TFRC: variants seen among roughly 807,000 people sequenced by gnomAD.
TFRC encodes the protein transferrin receptor.
A neutral mutation model predicts 85.8 loss-of-function variants in TFRC; 35 were observed. The ratio of observed to expected loss-of-function variants is 0.41; its 90% CI spans 0.31 to 0.54. The LOEUF is 0.54. TFRC is among the 20% of genes least tolerant of loss of function. TFRC has a pLI of 0.31. For missense variants in TFRC, 828 were observed against 921.5 expected (o/e 0.90, Z 1.31); for synonymous variants, 362 against 328.6 (o/e 1.10, Z -1.10).
At chr3:196,081,878 G>T (rs1719216619) in intron 1 of TFRC, 165 bp downstream of exon 1, 1 of 152,360 alleles carries the variant, frequency 6.6e-6, no homozygotes, top group East Asian at 1.9e-4. Context: ...ACAGGCTCGC[G>T]GCCCCGCTCC....
At chr3:196,081,521 C>G (rs1165198130) in intron 1 of TFRC, among the ~76,000 whole-genome samples, 1 of 152,208 alleles carries the variant, frequency 6.6e-6, no homozygotes, top group Non-Finnish European at 1.5e-5. Context: ...GAATCCCAGC[C>G]GTTCCCTGGG....
At chr3:196,069,647 G>T in intron 6 of TFRC, 79 bp from the exon 7 acceptor site, 1 of 899,196 alleles carries the variant, frequency 1.1e-6, no homozygotes, top group Non-Finnish European at 1.7e-6. Flanking sequence ...GAGTGTTATA[G>T]ATCAAACCTA....
intron 6 of TFRC, among the ~76,000 whole-genome samples, chr3:196,070,281 T>C (rs1471677497): frequency 8.7e-5 from 12 of 138,152 alleles, no homozygotes; most frequent in Admixed American, 1.4e-4. Flanking sequence ...TTTTTTTTTT[T>C]GAGATGGAAT....
chr3:196,081,588 C>G (rs189955466), intron 1 of TFRC, among the ~76,000 whole-genome samples: 5 of 152,302 alleles, frequency 3.3e-5, no homozygotes, highest in Non-Finnish European at 7.4e-5. Flanking sequence ...GCAGCTGCAC[C>G]TTGGCTGCGC....
chr3:196,052,126 A>G lies in TFRC; in HGVS notation c.2099T>C (p.Val700Ala). 2 of 1,614,088 alleles carry G rather than the reference A, an allele frequency of 1.2e-6. No individual in the cohort carries two copies. Among genetic ancestry groups the G allele is most frequent in the Non-Finnish European group, 1.7e-6 (2 of 1,180,010 alleles). ...VSPKESPFRH[V>A]FWGSGSHTLP... is the part of the protein sequence containing the mutation. The stretch of plus-strand genomic sequence containing the variant: ...CGTGTGAGAGCCGGAGCCCCAGAAG[A>G]CATGTCGGAAAGGAGACTCTTTTGG... Residue 700 changes from valine (V) to alanine (A), a missense_variant, in exon 19 of 19, where the codon GTC becomes GCC. Transcript: ENST00000360110.
chr3:196,069,696 G>C (rs867393585), intron 6 of TFRC, 128 bp from the exon 7 acceptor site: 60 of 551,736 alleles, frequency 1.1e-4, no homozygotes, highest in African/African-American at 1.0e-3. Flanking sequence ...GGAGGCCAAG[G>C]CCTAAAAAAG....
intron 16 of TFRC, among the ~76,000 whole-genome samples, chr3:196,057,556 C>T (rs1287775861): frequency 1.3e-5 from 2 of 152,100 alleles, no homozygotes; most frequent in African/African-American, 4.8e-5. Flanking sequence ...CAGGCGTGAG[C>T]TACCACATCC....
At chr3:196,077,161 C>T in intron 1 of TFRC, 39 bp from the exon 2 acceptor site, 2 of 1,453,328 alleles carry the variant, frequency 1.4e-6, no homozygotes, top group Non-Finnish European at 1.9e-6. Flanking sequence ...AAAGATACTA[C>T]TGTATCAGAT....
chr3:196,071,661 C>T (rs1718218471), intron 5 of TFRC, among the ~76,000 whole-genome samples, 163 bp from the exon 6 acceptor site: 1 of 152,240 alleles, frequency 6.6e-6, no homozygotes, highest in Non-Finnish European at 1.5e-5. Context: ...CGGTGGCTCA[C>T]GCCTGTAATC....
chr3:196,063,774 G>T (rs140061117), intron 11 of TFRC, among the ~76,000 whole-genome samples: 1 of 148,634 alleles, frequency 6.7e-6, no homozygotes, highest in Admixed American at 6.7e-5. Flanking sequence ...AAAATTGGCC[G>T]GGTGTGGTTG....
chr3:196,077,284 A>G (rs187793201), intron 1 of TFRC, among the ~76,000 whole-genome samples, 162 bp from the exon 2 acceptor site: 2 of 152,280 alleles, frequency 1.3e-5, no homozygotes, highest in Admixed American at 6.5e-5. Flanking sequence ...ATTAAGTGGG[A>G]TCCTTTTTAA....
intron 13 of TFRC, among the ~76,000 whole-genome samples, chr3:196,062,044 G>C (rs183135049): frequency 6.8e-4 from 103 of 152,232 alleles, no homozygotes; most frequent in African/African-American, 1.9e-3. Flanking sequence ...TAGAATGCTT[G>C]AACTCAGGAG....
In TFRC at chr3:196,068,041, G is replaced by T. The variant is rs34490397; in HGVS notation, c.891C>A (p.Phe297Leu). The T allele has an allele frequency of 5.0e-5, 80 of 1,611,798 alleles. No homozygotes were observed. The African/African-American group carries it at 1.0e-3, about 20-fold the overall frequency. Residue 297 changes from phenylalanine (F) to leucine (L), a missense_variant, in exon 8 of 19, where the codon TTC (phenylalanine) becomes TTA (leucine). Transcript: ENST00000360110. Reference protein sequence around the residue: ...KFPIVNAELSFFGHAHLGTGD... With the variant: ...KFPIVNAELSLFGHAHLGTGD... ...TCAAGAAATAACTCACATGTCCAAA[G>T]AATGAAAGTTCTGCGTTAACAATGG...
In TFRC at chr3:196,058,379, G is replaced by T. The variant is rs748345493; in HGVS notation, c.1596-14C>A. 6.2e-7 allele frequency: 1 copy of T among 1,606,636 alleles called. No individual in the cohort carries two copies. The highest frequency in any genetic ancestry group is 1.1e-5 in the South Asian group (1 of 90,678). ...GTGAGTTTCTCACTGCAAAGACAAAGAATGTGTCTTTAGAAAGTGTTTTAA... is the reference window on the plus strand; with the variant it reads ...GTGAGTTTCTCACTGCAAAGACAAATAATGTGTCTTTAGAAAGTGTTTTAA... On this transcript the variant is annotated splice_polypyrimidine_tract_variant and intron_variant, in intron 15 of 18. Coordinates refer to ENST00000360110, the MANE Select transcript of TFRC (RefSeq NM_001128148.3).
chr3:196,075,266 T>G lies in TFRC; in HGVS notation c.131A>C (p.Glu44Ala), dbSNP rs1354197677. The part of the protein sequence containing the change: ...SHVEMKLAVD[E>A]EENADNNTKA... ...TGTGTTATTGTCAGCATTTTCTTCT[T>G]CATCTACAGCAAGTTTCATCTCCAC... Residue 44 changes from glutamate (E) to alanine (A), a missense_variant, in exon 3 of 19, where the codon GAA (glutamate) becomes GCA (alanine). By Grantham distance (107) the Glu-to-Ala change is moderately radical (BLOSUM62 -1). Transcript: ENST00000360110. The G allele has an allele frequency of 1.2e-6, 2 of 1,614,170 alleles. No homozygotes were observed. The highest frequency in any genetic ancestry group is 1.7e-6 in the Non-Finnish European group (2 of 1,180,044).
chr3:196,079,956 G>C (rs111799722), intron 1 of TFRC, among the ~76,000 whole-genome samples: 97 of 152,266 alleles, frequency 6.4e-4, no homozygotes, highest in Middle Eastern at 3.4e-3. Flanking sequence ...AACTGGTATT[G>C]AACTACCTGA....
At chr3:196,074,786 G>A (rs2108656575) in intron 3 of TFRC, among the ~76,000 whole-genome samples, 1 of 149,496 alleles carries the variant, frequency 6.7e-6, no homozygotes, top group Non-Finnish European at 1.5e-5. Context: ...GGCTGAGGCA[G>A]AAGAATCGCT....
At chr3:196,080,936 A>G (rs1243821704) in intron 1 of TFRC, among the ~76,000 whole-genome samples, 1 of 152,214 alleles carries the variant, frequency 6.6e-6, no homozygotes, top group African/African-American at 2.4e-5. Flanking sequence ...GTAGCCAAAT[A>G]CAATTTCCTA....
At chr3:196,069,769 T>C (rs1474690541) in intron 6 of TFRC, 2 of 467,244 alleles carry the variant, frequency 4.3e-6, no homozygotes, top group Non-Finnish European at 7.6e-6. Context: ...ATCAAGATTT[T>C]TGGCCTCCTA....
Sources: gnomAD v4.1 joint callset for allele counts (sites outside exome capture counted in the v4.1 genomes callset) on GRCh38, gnomAD v4.1.1 for gene constraint, MANE v1.5 for transcripts, NCBI Gene and HGNC (gene_info 2026-07-23, HGNC 2026-07-21) for gene names.